Variants in GNB1 observed in about 807,000 individuals in gnomAD.
The protein encoded by GNB1 is G protein subunit beta 1, also known as guanine nucleotide-binding protein G(I)/G(S)/G(T) subunit beta-1.
Under a neutral mutation model 42.9 loss-of-function variants are expected in GNB1, and 2 were observed. The observed-to-expected ratio is 0.05, with a 90% CI of 0.02 to 0.15. GNB1 has a LOEUF of 0.15. Among genes scored for constraint, GNB1 ranks in the 10% least tolerant of loss-of-function variants. The probability of loss-of-function intolerance (pLI) is 1.00; values close to 1 mark genes in which losing one functional copy is unlikely to be tolerated. For synonymous variants in GNB1, 183 were observed against 174.7 expected, an observed-to-expected ratio of 1.05 and a Z score of -0.38; for missense variants, 193 against 462.2, an observed-to-expected ratio of 0.42 and a Z score of 5.34.
At chr1:1,809,791 G>A (rs1036825952) in intron 5 of GNB1, among the ~76,000 whole-genome samples, 3 of 152,152 alleles carry the variant, frequency 2.0e-5, no homozygotes, top group African/African-American at 7.2e-5. Context: ...CTGGGTTCAC[G>A]TTGCCTAGTA....
chr1:1,800,823 A>T (rs146949984), intron 7 of GNB1, among the ~76,000 whole-genome samples: 147 of 152,322 alleles, frequency 9.7e-4, no homozygotes, highest in African/African-American at 3.2e-3. Flanking sequence ...ATCCAGCAAA[A>T]ATACCCTTCA....
At chr1:1,867,517 T>TG (rs1649010764) in intron 1 of GNB1, among the ~76,000 whole-genome samples, 1 of 152,254 alleles carries the variant, frequency 6.6e-6, no homozygotes, top group African/African-American at 2.4e-5. Context: ...TTTTGAGCAT[T>TG]GTCTGTCTTA....
intron 3 of GNB1, chr1:1,818,098 T>C: frequency 2.3e-6 from 1 of 433,552 alleles, no homozygotes; most frequent in South Asian, 2.3e-5. Context: ...CCCAAATCTG[T>C]CTAAGACCTG....
At position 1,883,457 on chromosome 1, in the gene GNB1, T is replaced by C. The variant is rs191610814; in HGVS notation, c.-96+7363A>G. Among the ~76,000 whole-genome samples, 42 of 152,230 alleles carry C rather than the reference T, an allele frequency of 2.8e-4. No homozygotes were observed. In the East Asian group the frequency reaches 7.9e-3, roughly 29 times the overall value. On this transcript the variant is annotated intron_variant, in intron 1 of 11. Transcript: ENST00000378609. ...AACCATGGAGAAAAAAAGAAAAATC[T>C]CAGTAAACTGTCATCTTATAACATT... is the stretch of plus-strand genomic sequence containing the variant.
At chr1:1,854,532 A>G (rs565355055) in intron 1 of GNB1, among the ~76,000 whole-genome samples, 1 of 152,362 alleles carries the variant, frequency 6.6e-6, no homozygotes, top group East Asian at 1.9e-4. Context: ...AGCAGCAGAT[A>G]CACAGCAAGA....
chr1:1,791,172 A>AT (rs34703999), intron 8 of GNB1, among the ~76,000 whole-genome samples: 117,200 of 141,948 alleles, frequency 0.83, 49,805 homozygotes, highest in Non-Finnish European at 0.94. Context: ...CACACCTGGT[A>AT]TTTTTTTTTT....
At chr1:1,801,380 G>C (rs143024046) in intron 7 of GNB1, among the ~76,000 whole-genome samples, 79 of 152,218 alleles carry the variant, frequency 5.2e-4, no homozygotes, top group African/African-American at 1.8e-3. Context: ...AATTTCTTAA[G>C]AATGTTTAAA....
In GNB1 at chr1:1,787,813, T is replaced by C. The variant is rs761699141; in HGVS notation, c.917-376A>G. 6.6e-6 allele frequency among the ~76,000 whole-genome samples: 1 copy of C among 152,108 alleles called. No homozygotes were observed. Among genetic ancestry groups the C allele is most frequent in the Non-Finnish European group, 1.5e-5 (1 of 67,994 alleles). Reference sequence around the variant, plus strand: ...TTGGAAGGCCGAGGCAGGCAGATCATGAGGTCAGGACTTTGAGACCAGCCT... The same window carrying C: ...TTGGAAGGCCGAGGCAGGCAGATCACGAGGTCAGGACTTTGAGACCAGCCT... On this transcript the variant is annotated intron_variant, in intron 10 of 11. Coordinates refer to ENST00000378609, the MANE Select transcript of GNB1 (RefSeq NM_002074.5). This position sits in a 1 kb window ranked among gnomAD's most constrained non-coding sequence, Gnocchi z 4.4.
At chr1:1,811,006 A>C (rs1646769103) in intron 5 of GNB1, among the ~76,000 whole-genome samples, 1 of 150,700 alleles carries the variant, frequency 6.6e-6, no homozygotes, top group Non-Finnish European at 1.5e-5. Context: ...TTGTTTTTTG[A>C]GGCAGAGTCT....
chr1:1,785,301 T>C lies in GNB1; in HGVS notation c.*1762A>G, dbSNP rs1194465079. The C allele has an allele frequency of 1.3e-5, 2 of 152,672 alleles. No homozygotes were observed. Among genetic ancestry groups the C allele is most frequent in the Non-Finnish European group, 2.9e-5 (2 of 68,052 alleles). The allele number at this position is 152,672 out of a possible 1,614,324, so 9.5% of individuals were successfully genotyped here. A position where few individuals can be genotyped will look rare whatever the true frequency, so the allele number is the denominator to read the frequency against. ...CACACCAAAGTCCCTCATGTCAAAC[T>C]GCTTTATTACATCTTAAATAACAGT... On this transcript the variant is annotated 3_prime_UTR_variant, in exon 12 of 12. Coordinates refer to ENST00000378609, the MANE Select transcript of GNB1 (RefSeq NM_002074.5).
chr1:1,867,753 A>T (rs1206568690), intron 1 of GNB1, among the ~76,000 whole-genome samples: 1 of 152,226 alleles, frequency 6.6e-6, no homozygotes, highest in Non-Finnish European at 1.5e-5. Flanking sequence ...ATATGTTCCG[A>T]ATGCTTAAGC....
In GNB1 at chr1:1,806,772, A is replaced by AAGACCAGCC. The variant is rs1312757075; in HGVS notation, c.204-243_204-235dup. Among the ~76,000 whole-genome samples, 3 of 152,110 alleles carry AAGACCAGCC rather than the reference A, an allele frequency of 2.0e-5. No individual in the cohort carries two copies. The East Asian group carries it at 5.8e-4, about 29-fold the overall frequency. The stretch of plus-strand genomic sequence containing the variant: ...GCAGATCACATGAGGTCAGGAGTTC[A>AAGACCAGCC]AGACCAGCCTGGCCAGCATGGCGAA... On this transcript the variant is annotated intron_variant, in intron 5 of 11. Coordinates refer to ENST00000378609, the MANE Select transcript of GNB1 (RefSeq NM_002074.5).
intron 5 of GNB1, among the ~76,000 whole-genome samples, chr1:1,807,730 C>T (rs1287663156): frequency 6.6e-6 from 1 of 150,496 alleles, no homozygotes; most frequent in Non-Finnish European, 1.5e-5. Flanking sequence ...TTTTTTGAGA[C>T]GGAGTCTCGC....
chr1:1,865,289 CCA>C lies in GNB1; in HGVS notation c.-96+25529_-96+25530del, dbSNP rs1557939032. On this transcript the variant is annotated intron_variant, in intron 1 of 11. Transcript: ENST00000378609. ...AAAACAAAAAAAAAACAAAAAAAAA[CCA>C]AAAAAAAAAAACAGGCAACACATTG... Among the ~76,000 whole-genome samples, 1,186 of 137,366 alleles carry C rather than the reference CCA, an allele frequency of 8.6e-3. 20 individuals carry two copies. Among genetic ancestry groups the C allele is most frequent in the African/African-American group, 0.031 (1,140 of 36,752 alleles). The allele number at this position is 137,366 out of a possible 152,430, so 90.1% of individuals were successfully genotyped here. A position where few individuals can be genotyped will look rare whatever the true frequency, so the allele number is the denominator to read the frequency against.
chr1:1,844,691 T>C (rs1162604760), intron 1 of GNB1, among the ~76,000 whole-genome samples: 4 of 152,220 alleles, frequency 2.6e-5, no homozygotes, highest in Non-Finnish European at 5.9e-5. Context: ...GCACCACTGG[T>C]TATCTACAAT....
intron 3 of GNB1, among the ~76,000 whole-genome samples, chr1:1,823,752 G>A (rs1015647835): frequency 6.6e-6 from 1 of 152,106 alleles, no homozygotes; most frequent in Non-Finnish European, 1.5e-5. Context: ...AATTATGTTG[G>A]TGTTTCTCTC....
Position 1,791,181 on chromosome 1 carries a change from T to TG in GNB1, c.498-586_498-585insC, listed in dbSNP as rs1646476711. On this transcript the variant is annotated intron_variant, in intron 8 of 11. Coordinates refer to ENST00000378609, the MANE Select transcript of GNB1 (RefSeq NM_002074.5). ...AGTGATCACACCTGGTATTTTTTTTTTTTTTTTGAGACCGAATTTCACTCT... is the reference window on the plus strand; with the variant it reads ...AGTGATCACACCTGGTATTTTTTTTTGTTTTTTTGAGACCGAATTTCACTCT... Among the ~76,000 whole-genome samples, 2 of 151,520 alleles carry TG rather than the reference T, an allele frequency of 1.3e-5. 1 individual carries two copies. Among genetic ancestry groups the TG allele is most frequent in the African/African-American group, 4.8e-5 (2 of 41,266 alleles).
chr1:1,823,816 C>T (rs1646963361), intron 3 of GNB1, among the ~76,000 whole-genome samples: 2 of 152,140 alleles, frequency 1.3e-5, no homozygotes, highest in African/African-American at 2.4e-5. Context: ...AAAGGAAATA[C>T]TTGACTTCAT....
At position 1,786,187 on chromosome 1, in the gene GNB1, G is replaced by A. The variant is rs542859443; in HGVS notation, c.*876C>T. The A allele has an allele frequency of 7.5e-6, 3 of 397,852 alleles. No individual in the cohort carries two copies. Among genetic ancestry groups the A allele is most frequent in the South Asian group, 1.3e-4 (1 of 7,506 alleles). The allele number at this position is 397,852 out of a possible 1,614,324, so 24.6% of individuals were successfully genotyped here. Reference sequence around the variant, plus strand: ...GACAGGCATCTCTCTTGAAAACAGAGGTTCCTCCTAGTTGGGGGTGGGGTA... The same window carrying A: ...GACAGGCATCTCTCTTGAAAACAGAAGTTCCTCCTAGTTGGGGGTGGGGTA... On this transcript the variant is annotated 3_prime_UTR_variant, in exon 12 of 12. Transcript: ENST00000378609.
Sources: gnomAD v4.1 joint callset for allele counts (sites outside exome capture counted in the v4.1 genomes callset) on GRCh38, gnomAD v4.1.1 for gene constraint, Gnocchi (gnomAD v3.1) non-coding constraint, MANE v1.5 for transcripts, NCBI Gene and HGNC (gene_info 2026-07-23, HGNC 2026-07-21) for gene names.